Variants in GLIS3 observed in about 807,000 individuals in gnomAD.
GLIS3 encodes the protein zinc finger protein GLIS3.
A neutral mutation model predicts 78.6 loss-of-function variants in GLIS3; 53 were observed. The ratio of observed to expected loss-of-function variants is 0.67; its 90% CI spans 0.54 to 0.85. GLIS3 has a LOEUF of 0.85. Among genes scored for constraint, GLIS3 ranks in the 40% least tolerant of loss-of-function variants. The pLI is 0.00. For missense variants in GLIS3, 1,703 were observed against 1,231.1 expected (o/e 1.38, Z -5.74); for synonymous variants, 684 against 509.9 (o/e 1.34, Z -4.60).
intron 2 of GLIS3, among the ~76,000 whole-genome samples, chr9:4,180,109 G>T (rs905958097): frequency 7.2e-5 from 11 of 152,074 alleles, no homozygotes; most frequent in Non-Finnish European, 1.3e-4. Context: ...TCAAGGCTGA[G>T]CTGGGGAGAG....
intron 2 of GLIS3, among the ~76,000 whole-genome samples, chr9:4,261,601 A>T (rs1395840522): frequency 6.6e-6 from 1 of 152,170 alleles, no homozygotes; most frequent in Non-Finnish European, 1.5e-5. Context: ...AGAACTCAAG[A>T]GGGTTACTCT....
chr9:3,897,083 C>T (rs1822902541), intron 7 of GLIS3, among the ~76,000 whole-genome samples: 1 of 151,936 alleles, frequency 6.6e-6, no homozygotes, highest in African/African-American at 2.4e-5. Flanking sequence ...CGAAAATGAG[C>T]CATATGCTGT....
intron 3 of GLIS3, among the ~76,000 whole-genome samples, chr9:4,122,985 G>C (rs1367145729): frequency 6.6e-6 from 1 of 151,994 alleles, no homozygotes; most frequent in Non-Finnish European, 1.5e-5. Flanking sequence ...ATTAATCTAG[G>C]CAAATATATA....
intron 2 of GLIS3, among the ~76,000 whole-genome samples, chr9:4,223,200 C>A (rs1257338975): frequency 2.0e-5 from 3 of 152,202 alleles, no homozygotes; most frequent in Admixed American, 6.5e-5. Flanking sequence ...AACATCCGCA[C>A]TGCCTCTTCT....
At chr9:3,901,305 T>A (rs1244431018) in intron 6 of GLIS3, 3 of 156,668 alleles carry the variant, frequency 1.9e-5, no homozygotes, top group African/African-American at 7.2e-5. Flanking sequence ...TTTCCAAATT[T>A]TCTACATTCA....
chr9:4,086,912 G>A (rs2130729894), intron 4 of GLIS3, among the ~76,000 whole-genome samples: 1 of 152,266 alleles, frequency 6.6e-6, no homozygotes. Flanking sequence ...GCATGATTTA[G>A]AGACATGTCC....
intron 2 of GLIS3, among the ~76,000 whole-genome samples, chr9:4,187,107 T>A (rs140410056): frequency 0.015 from 2,342 of 152,332 alleles, 28 homozygotes; most frequent in Middle Eastern, 0.044. Context: ...TAGGTTTTCT[T>A]CCAGGGTTTT....
chr9:3,925,216 A>C (rs1825138496), intron 6 of GLIS3, among the ~76,000 whole-genome samples: 1 of 152,210 alleles, frequency 6.6e-6, no homozygotes, highest in African/African-American at 2.4e-5. Flanking sequence ...TCATTTGCAA[A>C]GGAACTCCCA....
the GLIS3 span, among the ~76,000 whole-genome samples, chr9:4,411,539 C>T: frequency 6.6e-6 from 1 of 152,202 alleles, no homozygotes; most frequent in East Asian, 1.9e-4. Flanking sequence ...AGTTTGGGAA[C>T]CACTAATTTT....
intron 4 of GLIS3, among the ~76,000 whole-genome samples, chr9:4,007,311 T>C (rs1456474354): frequency 2.0e-5 from 3 of 152,128 alleles, no homozygotes; most frequent in Admixed American, 1.3e-4. Flanking sequence ...TCTGAGCTTT[T>C]ACCCCATCTT....
At chr9:4,029,453 T>C (rs981801641) in intron 4 of GLIS3, among the ~76,000 whole-genome samples, 1 of 152,220 alleles carries the variant, frequency 6.6e-6, no homozygotes, top group Non-Finnish European at 1.5e-5. Flanking sequence ...TCCTTCGAGT[T>C]ACAAATAATC....
intron 4 of GLIS3, among the ~76,000 whole-genome samples, chr9:4,111,871 G>C (rs144274496): frequency 3.3e-5 from 5 of 152,206 alleles, no homozygotes; most frequent in African/African-American, 4.8e-5. Flanking sequence ...TCAGCCTCAA[G>C]AGACAAAGAG....
intron 1 of GLIS3, among the ~76,000 whole-genome samples, chr9:4,287,104 T>A (rs1007568699): frequency 3.9e-5 from 6 of 152,214 alleles, no homozygotes; most frequent in Non-Finnish European, 7.3e-5. Context: ...ATTCATATAT[T>A]CAAATATTCA....
chr9:4,220,341 C>T (rs375996568), intron 2 of GLIS3, among the ~76,000 whole-genome samples: 1 of 152,106 alleles, frequency 6.6e-6, no homozygotes, highest in Admixed American at 6.5e-5. Context: ...CTCAAAATAG[C>T]TTCACATCAA....
At chr9:4,320,015 G>A (rs1397049644) in intron 2 of GLIS3, among the ~76,000 whole-genome samples, 1 of 47,298 alleles carries the variant, frequency 2.1e-5, no homozygotes, top group African/African-American at 5.1e-5. Flanking sequence ...GTGTGTGTGT[G>A]TGTGTGTGTG....
intron 4 of GLIS3, among the ~76,000 whole-genome samples, chr9:4,090,542 C>T (rs562166962): frequency 5.8e-4 from 88 of 152,218 alleles, no homozygotes; most frequent in South Asian, 5.4e-3. Flanking sequence ...GCTTCCAAGT[C>T]CACTGAACAC....
chr9:3,831,081 T>C (rs1818016374), intron 9 of GLIS3, among the ~76,000 whole-genome samples: 1 of 152,190 alleles, frequency 6.6e-6, no homozygotes, highest in Non-Finnish European at 1.5e-5. Flanking sequence ...CAGGGCATAT[T>C]CATAGTAGAA....
At chr9:4,417,071 G>T in the GLIS3 span, among the ~76,000 whole-genome samples, 34 of 152,176 alleles carry the variant, frequency 2.2e-4, no homozygotes, top group African/African-American at 8.0e-4. Flanking sequence ...CATGAGTTTA[G>T]AGTTTATCAC....
chr9:3,963,981 A>G (rs1430134261), intron 4 of GLIS3, among the ~76,000 whole-genome samples: 2 of 152,176 alleles, frequency 1.3e-5, no homozygotes, highest in Admixed American at 1.3e-4. Flanking sequence ...TGGTGCACGC[A>G]CTGCTTCATG....
Sources: allele counts gnomAD v4.1 joint callset (sites outside exome capture counted in the v4.1 genomes callset), GRCh38; gene constraint gnomAD v4.1.1; transcripts MANE v1.5; gene names NCBI Gene and HGNC (gene_info 2026-07-23, HGNC 2026-07-21).